Variants in MAST2 observed in about 807,000 individuals in gnomAD.
MAST2 encodes microtubule associated serine/threonine kinase 2, also known as microtubule-associated serine/threonine-protein kinase 2.
MAST2 carries 70 observed loss-of-function variants against 147.4 expected under a neutral mutation model. The observed-to-expected ratio is 0.47, with a 90% CI of 0.39 to 0.58. The LOEUF (loss-of-function observed/expected upper bound fraction) is 0.58, where lower values mean the gene tolerates loss of function less well. MAST2 is among the 20% of genes least tolerant of loss of function. The pLI is 0.00. For synonymous variants in MAST2, 869 were observed against 896.8 expected (o/e 0.97, Z 0.55); for missense variants, 2,080 against 2,302.3 (o/e 0.90, Z 1.98).
At chr1:45,978,369 A>G (rs1439578978) in intron 5 of MAST2, among the ~76,000 whole-genome samples, 1 of 152,146 alleles carries the variant, frequency 6.6e-6, no homozygotes, top group Non-Finnish European at 1.5e-5. Context: ...CAAAAAAATT[A>G]GCTGGGCATG....
intron 4 of MAST2, among the ~76,000 whole-genome samples, chr1:45,902,074 T>C (rs1570628858): frequency 6.6e-6 from 1 of 152,266 alleles, no homozygotes; most frequent in African/African-American, 2.4e-5. Flanking sequence ...AGAGGGAATG[T>C]TTTCAGTTTT....
intron 22 of MAST2, 41 bp from the exon 23 acceptor site, chr1:46,030,966 G>C: frequency 6.3e-7 from 1 of 1,594,188 alleles, no homozygotes; most frequent in Non-Finnish European, 8.6e-7. Context: ...AGGAGGAGGG[G>C]GACCACCTGG....
chr1:45,976,889 G>C (rs886859862), intron 5 of MAST2, among the ~76,000 whole-genome samples: 1 of 152,200 alleles, frequency 6.6e-6, no homozygotes, highest in Non-Finnish European at 1.5e-5. Flanking sequence ...CTAATAGGAA[G>C]AGAAGAGTTA....
chr1:45,804,750 G>A (rs1289146342), intron 1 of MAST2, among the ~76,000 whole-genome samples: 1 of 152,218 alleles, frequency 6.6e-6, no homozygotes, highest in Non-Finnish European at 1.5e-5. Context: ...GAATGAACAG[G>A]ATATGTTTAT....
chr1:46,019,447 A>T, intron 10 of MAST2, 149 bp from the exon 11 acceptor site: 1 of 618,198 alleles, frequency 1.6e-6, no homozygotes, highest in Non-Finnish European at 2.8e-6. Flanking sequence ...TCCCTCTCAC[A>T]GCCAGCCAGC....
intron 3 of MAST2, among the ~76,000 whole-genome samples, chr1:45,870,245 T>C (rs1195971612): frequency 6.6e-6 from 1 of 152,170 alleles, no homozygotes; most frequent in African/African-American, 2.4e-5. Context: ...GTATACCTGT[T>C]TGACATGCCT....
intron 4 of MAST2, among the ~76,000 whole-genome samples, chr1:45,904,591 A>G (rs4524994): frequency 0.34 from 51,576 of 151,120 alleles, 9,180 homozygotes; most frequent in African/African-American, 0.44. Flanking sequence ...TAGCCCCCCC[A>G]AGTAGCTGGG....
chr1:45,937,980 C>T (rs1656546629), intron 4 of MAST2, among the ~76,000 whole-genome samples: 1 of 152,158 alleles, frequency 6.6e-6, no homozygotes, highest in South Asian at 2.1e-4. Flanking sequence ...GTTAATCCTA[C>T]TCTTCTAATT....
At chr1:45,841,595 C>T (rs1251713117) in intron 3 of MAST2, among the ~76,000 whole-genome samples, 1 of 152,014 alleles carries the variant, frequency 6.6e-6, no homozygotes, top group Non-Finnish European at 1.5e-5. Flanking sequence ...CCATGTTGTG[C>T]GGGCTAGTCT....
At position 46,032,636 on chromosome 1, in the gene MAST2, G is replaced by A. The variant is rs750515082; in HGVS notation, c.3455G>A (p.Arg1152His). 9.9e-6 allele frequency: 16 copies of A among 1,614,188 alleles called. No individual in the cohort carries two copies. The highest frequency in any genetic ancestry group is 2.2e-5 in the East Asian group (1 of 44,884). The change falls in exon 26 of 29, where the codon CGT becomes CAT. Residue 1152 changes from arginine (R) to histidine (H), a missense_variant. By Grantham distance (29) the Arg-to-His change is conservative. This residue lies in a region of MAST2 where 1,278 missense variants were observed against 1,304.2 expected (regional missense o/e 0.98). Transcript: ENST00000361297. Reference protein sequence around the residue: ...DGGPASEAGLRQGDLITHVNG... With the variant: ...DGGPASEAGLHQGDLITHVNG... Reference sequence around the variant, plus strand: ...GGTCCGGCCAGTGAGGCAGGGCTTCGTCAAGGTGACCTCATCACCCATGTC... The same window carrying A: ...GGTCCGGCCAGTGAGGCAGGGCTTCATCAAGGTGACCTCATCACCCATGTC...
At chr1:46,002,233 C>G (rs1212153980) in intron 6 of MAST2, among the ~76,000 whole-genome samples, 1 of 152,158 alleles carries the variant, frequency 6.6e-6, no homozygotes, top group Non-Finnish European at 1.5e-5. Flanking sequence ...CCTTCTCTTT[C>G]ATAAAGTTAC....
At chr1:45,974,512 T>A (rs539822243) in intron 5 of MAST2, among the ~76,000 whole-genome samples, 1 of 152,158 alleles carries the variant, frequency 6.6e-6, no homozygotes, top group African/African-American at 2.4e-5. Context: ...GGGAGGATCA[T>A]CTGAGTCTGA....
chr1:46,013,830 C>G (rs1316437428), intron 10 of MAST2, among the ~76,000 whole-genome samples: 2 of 152,062 alleles, frequency 1.3e-5, no homozygotes, highest in Non-Finnish European at 2.9e-5. Flanking sequence ...TTAAAGACAG[C>G]AATTCTTTTT....
At chr1:45,974,580 A>C (rs10749861) in intron 5 of MAST2, among the ~76,000 whole-genome samples, 121,210 of 152,124 alleles carry the variant, frequency 0.8, 48,771 homozygotes, top group East Asian at 0.98. Flanking sequence ...GATTTTGAGA[A>C]AGAGCAAGAC....
chr1:45,845,924 C>A (rs1367500724), intron 3 of MAST2, among the ~76,000 whole-genome samples: 1 of 152,062 alleles, frequency 6.6e-6, no homozygotes, highest in Non-Finnish European at 1.5e-5. Flanking sequence ...CCATGCCCGG[C>A]TAGTTTTTTG....
chr1:45,867,841 A>G (rs1646221005), intron 3 of MAST2, among the ~76,000 whole-genome samples: 1 of 152,128 alleles, frequency 6.6e-6, no homozygotes, highest in Non-Finnish European at 1.5e-5. Flanking sequence ...ATGTTAGGTA[A>G]ATGTATTGAC....
chr1:45,861,828 C>CTT (rs1645991009), intron 3 of MAST2, among the ~76,000 whole-genome samples: 1 of 152,146 alleles, frequency 6.6e-6, no homozygotes, highest in Non-Finnish European at 1.5e-5. Context: ...TGGAGTTGGG[C>CTT]TTTTGCTCCT....
chr1:45,858,300 C>T (rs1645859771), intron 3 of MAST2, among the ~76,000 whole-genome samples: 2 of 152,126 alleles, frequency 1.3e-5, no homozygotes, highest in Admixed American at 1.3e-4. Context: ...TTAATGATTG[C>T]CATTCTAACT....
At chr1:46,007,418 A>G (rs1645531228) in intron 8 of MAST2, among the ~76,000 whole-genome samples, 1 of 152,210 alleles carries the variant, frequency 6.6e-6, no homozygotes, top group Non-Finnish European at 1.5e-5. Context: ...GGTGTTCTCA[A>G]CAACCCATAC....
Sources: gnomAD v4.1 joint callset for allele counts (sites outside exome capture counted in the v4.1 genomes callset) on GRCh38, gnomAD v4.1.1 for gene constraint, gnomAD v4.1.1 regional missense constraint, MANE v1.5 for transcripts, NCBI Gene and HGNC (gene_info 2026-07-23, HGNC 2026-07-21) for gene names.